VPS13C: variants seen among roughly 807,000 people sequenced by gnomAD.
VPS13C encodes the protein vacuolar protein sorting 13 homolog C, also known as intermembrane lipid transfer protein VPS13C.
In VPS13C, 358 loss-of-function variants were observed where a neutral mutation model predicts 456.8. The observed-to-expected ratio is 0.78, with a 90% CI of 0.72 to 0.86. The LOEUF (loss-of-function observed/expected upper bound fraction) is 0.86, where lower values mean the gene tolerates loss of function less well. Ranked by LOEUF, VPS13C falls within the 40% of genes least tolerant of loss-of-function variation. The pLI is 0.00. For synonymous variants in VPS13C, 1,578 were observed against 1,486.7 expected, an observed-to-expected ratio of 1.06 and a Z score of -1.41; for missense variants, 4,818 against 4,385.4, an observed-to-expected ratio of 1.10 and a Z score of -2.79.
At chr15:61,966,473 C>T (rs2045380520) in intron 29 of VPS13C, among the ~76,000 whole-genome samples, 2 of 151,798 alleles carry the variant, frequency 1.3e-5, no homozygotes, top group African/African-American at 4.8e-5. Context: ...AAGTCGTCAG[C>T]AAGTCTACAT....
chr15:61,941,552 A>G (rs567417824), intron 46 of VPS13C, among the ~76,000 whole-genome samples: 1 of 152,298 alleles, frequency 6.6e-6, no homozygotes, highest in East Asian at 1.9e-4. Flanking sequence ...GAAAAAAATC[A>G]TATTACATAT....
At chr15:61,972,896 T>C (rs2045597761) in intron 26 of VPS13C, 132 bp from the exon 27 acceptor site, 1 of 993,788 alleles carries the variant, frequency 1.0e-6, no homozygotes, top group African/African-American at 1.6e-5. Context: ...TCAGAATAGC[T>C]GCCTTTTTTA....
chr15:61,934,079 C>A, intron 49 of VPS13C, 140 bp downstream of exon 49: 1 of 461,240 alleles, frequency 2.2e-6, no homozygotes, highest in Non-Finnish European at 3.7e-6. Context: ...AGGACCAATG[C>A]ACATTCTGTA....
At position 61,854,373 on chromosome 15, in the gene VPS13C, G is replaced by T. The variant is rs991932275; in HGVS notation, c.*84C>A. On this transcript the variant is annotated 3_prime_UTR_variant, in exon 85 of 85. Transcript: ENST00000644861. Reference sequence around the variant, plus strand: ...AAACTAAAGGATTGCTTGAAAAATTGTCTTTAGCAAGATAAAGCAGAGTGA... The same window carrying T: ...AAACTAAAGGATTGCTTGAAAAATTTTCTTTAGCAAGATAAAGCAGAGTGA... The T allele has an allele frequency of 3.2e-6, 4 of 1,254,742 alleles. No individual in the cohort carries two copies. The highest frequency in any genetic ancestry group is 3.0e-5 in the African/African-American group (2 of 67,628). 77.7% of individuals were successfully genotyped at this position (1,254,742 alleles called of 1,614,324 possible).
At chr15:61,944,128 G>T (rs1416573557) in intron 45 of VPS13C, among the ~76,000 whole-genome samples, 6 of 152,094 alleles carry the variant, frequency 3.9e-5, no homozygotes, top group Non-Finnish European at 2.9e-5. Flanking sequence ...TTATTAAAAA[G>T]TCAATAAATA....
At chr15:61,984,303 C>T (rs192449149) in intron 19 of VPS13C, among the ~76,000 whole-genome samples, 38 of 152,294 alleles carry the variant, frequency 2.5e-4, no homozygotes, top group East Asian at 1.9e-4. Flanking sequence ...AAAGATCACA[C>T]GACATGGATG....
chr15:62,000,390 G>A (rs1012855514), intron 16 of VPS13C, among the ~76,000 whole-genome samples, 174 bp downstream of exon 16: 2 of 151,542 alleles, frequency 1.3e-5, no homozygotes, highest in African/African-American at 4.8e-5. Context: ...TAAAAATAAG[G>A]TTTTTTTTCC....
At chr15:62,024,473 T>G (rs1280559773) in intron 6 of VPS13C, among the ~76,000 whole-genome samples, 2 of 152,084 alleles carry the variant, frequency 1.3e-5, no homozygotes, top group South Asian at 2.1e-4. Flanking sequence ...AATACCTGTC[T>G]TACTCAACTT....
chr15:62,035,348 GA>G (rs1389853588), intron 3 of VPS13C, among the ~76,000 whole-genome samples: 2 of 151,722 alleles, frequency 1.3e-5, no homozygotes, highest in East Asian at 3.9e-4. Context: ...TTTCAATCCT[GA>G]AAAAAAGGAA....
intron 16 of VPS13C, among the ~76,000 whole-genome samples, chr15:61,999,379 CAAAA>C (rs200452220): frequency 8.6e-6 from 1 of 116,048 alleles, no homozygotes; most frequent in Non-Finnish European, 1.8e-5. Context: ...GACTCCATCT[CAAAA>C]AAAAAAAAAA....
intron 23 of VPS13C, among the ~76,000 whole-genome samples, chr15:61,978,094 C>G (rs2045763251): frequency 6.6e-6 from 1 of 151,822 alleles, no homozygotes; most frequent in African/African-American, 2.4e-5. Flanking sequence ...TAGAAAAACA[C>G]CAAAGCTTTT....
intron 80 of VPS13C, among the ~76,000 whole-genome samples, chr15:61,869,131 T>C (rs1290711888): frequency 2.0e-5 from 3 of 149,710 alleles, no homozygotes; most frequent in Non-Finnish European, 4.4e-5. Context: ...TTTTTTTTTT[T>C]TTTTGAGACA....
At chr15:61,896,954 G>C (rs1009546801) in intron 66 of VPS13C, among the ~76,000 whole-genome samples, 1 of 108,068 alleles carries the variant, frequency 9.3e-6, no homozygotes, top group Non-Finnish European at 1.9e-5. Flanking sequence ...CCTGACCCCC[G>C]AGCAGCCTAA....
chr15:62,013,083 C>G lies in VPS13C; in HGVS notation c.781G>C (p.Val261Leu). The change falls in exon 11 of 85, where the codon GTA becomes CTA. Residue 261 changes from valine (V) to leucine (L), a missense_variant. By Grantham distance (32) the Val-to-Leu change is conservative. This residue lies in a region of VPS13C where 4,552 missense variants were observed against 4,130.6 expected (regional missense o/e 1.10). Coordinates refer to ENST00000644861, the MANE Select transcript of VPS13C (RefSeq NM_020821.3). ...CTCTGGTAAGACATGCTGCAATTTA[C>G]ATTCCAGTAGGCGCTAAGACTATCA... The part of the protein sequence containing the change: ...RLDSLSAYWN[V>L]NCSMSYQRSR... 1 of 1,610,920 alleles carries G rather than the reference C, an allele frequency of 6.2e-7. No individual in the cohort carries two copies. The highest frequency in any genetic ancestry group is 1.1e-5 in the South Asian group (1 of 90,666).
At chr15:62,032,866 G>T (rs1306919094) in intron 5 of VPS13C, among the ~76,000 whole-genome samples, 1 of 151,594 alleles carries the variant, frequency 6.6e-6, no homozygotes, top group African/African-American at 2.4e-5. Context: ...TCATATCCTT[G>T]TTCTTGCTCT....
intron 26 of VPS13C, 95 bp downstream of exon 26, chr15:61,973,359 C>G: frequency 1.0e-6 from 1 of 982,868 alleles, no homozygotes; most frequent in South Asian, 1.5e-5. Flanking sequence ...ATTACTACAG[C>G]ACTTTCAGAC....
intron 30 of VPS13C, among the ~76,000 whole-genome samples, chr15:61,965,713 A>C (rs941218259): frequency 1.3e-4 from 19 of 151,828 alleles, no homozygotes; most frequent in Non-Finnish European, 1.5e-5. Context: ...CTTTGACTTC[A>C]AAAGTGCTCA....
In VPS13C at chr15:61,853,052, T is replaced by G. The variant is rs879616720; in HGVS notation, c.*1405A>C. ...TAAAGGTTCAACCAAAAAACTTACATATTTTTGAGTATTTTTTAAAGTTTT... is the reference window on the plus strand; with the variant it reads ...TAAAGGTTCAACCAAAAAACTTACAGATTTTTGAGTATTTTTTAAAGTTTT... On this transcript the variant is annotated 3_prime_UTR_variant, in exon 85 of 85. Coordinates refer to ENST00000644861, the MANE Select transcript of VPS13C (RefSeq NM_020821.3). 1 of 152,172 alleles carries G rather than the reference T, an allele frequency of 6.6e-6. No individual in the cohort carries two copies. Among genetic ancestry groups the G allele is most frequent in the Admixed American group, 6.5e-5 (1 of 15,282 alleles). 9.4% of individuals were successfully genotyped at this position (152,172 alleles called of 1,614,324 possible).
At position 62,013,128 on chromosome 15, in the gene VPS13C, G is replaced by A; in HGVS notation, c.745-9C>T. 2.5e-6 allele frequency: 4 copies of A among 1,583,784 alleles called. No individual in the cohort carries two copies. Among genetic ancestry groups the A allele is most frequent in the Non-Finnish European group, 3.4e-6 (4 of 1,164,606 alleles). ...CTATCAAGTCGTATAAGCTATAAGA[G>A]AAAAATGAAAGAGATCAGGCAATCA... On this transcript the variant is annotated splice_polypyrimidine_tract_variant and intron_variant, in intron 10 of 84. Transcript: ENST00000644861.
Sources: gnomAD v4.1 joint callset for allele counts (sites outside exome capture counted in the v4.1 genomes callset) on GRCh38, gnomAD v4.1.1 for gene constraint, gnomAD v4.1.1 regional missense constraint, MANE v1.5 for transcripts, NCBI Gene and HGNC (gene_info 2026-07-23, HGNC 2026-07-21) for gene names.